Variants in CHRM3 observed in about 807,000 individuals in gnomAD.
The protein encoded by CHRM3 is cholinergic receptor muscarinic 3.
A neutral mutation model predicts 41.8 loss-of-function variants in CHRM3; 11 were observed. The ratio of observed to expected loss-of-function variants is 0.26; its 90% confidence interval spans 0.17 to 0.44. CHRM3 has a LOEUF of 0.44. CHRM3 is among the 20% of genes least tolerant of loss of function. The probability of loss-of-function intolerance (pLI) is 1.00; values close to 1 mark genes in which losing one functional copy is unlikely to be tolerated. For synonymous variants in CHRM3, 297 were observed against 301.4 expected (o/e 0.99, Z 0.15); for missense variants, 571 against 745.4 (o/e 0.77, Z 2.72).
At chr1:239,754,886 T>C (rs1666115888) in intron 5 of CHRM3, among the ~76,000 whole-genome samples, 1 of 152,200 alleles carries the variant, frequency 6.6e-6, no homozygotes, top group Admixed American at 6.5e-5. Flanking sequence ...TCTTCCATAA[T>C]TTGTCTTATT....
At chr1:239,649,170 T>C (rs1349127062) in intron 4 of CHRM3, among the ~76,000 whole-genome samples, 2 of 152,106 alleles carry the variant, frequency 1.3e-5, no homozygotes, top group African/African-American at 4.8e-5. Flanking sequence ...GGTGGTAGTG[T>C]GAGAAGATAG....
intron 3 of CHRM3, among the ~76,000 whole-genome samples, chr1:239,553,826 C>G (rs1048306159): frequency 1.3e-5 from 2 of 152,106 alleles, no homozygotes; most frequent in African/African-American, 4.8e-5. Flanking sequence ...TTTATCCCAA[C>G]AAGGAAAATT....
intron 4 of CHRM3, among the ~76,000 whole-genome samples, chr1:239,667,283 C>T (rs183143516): frequency 6.6e-6 from 1 of 152,268 alleles, no homozygotes; most frequent in East Asian, 1.9e-4. Context: ...TTCTTTTAAT[C>T]TCCAAGGCAT....
chr1:239,408,419 A>G (rs966597895), intron 1 of CHRM3, among the ~76,000 whole-genome samples: 8 of 150,196 alleles, frequency 5.3e-5, no homozygotes, highest in Non-Finnish European at 1.0e-4. Flanking sequence ...AGCTGCTGGG[A>G]AGGCTGAGGC....
At chr1:239,837,254 T>C (rs531041199) in intron 6 of CHRM3, among the ~76,000 whole-genome samples, 1 of 152,172 alleles carries the variant, frequency 6.6e-6, no homozygotes, top group African/African-American at 2.4e-5. Context: ...TTAGAGCCAA[T>C]AAAGTGATAC....
intron 4 of CHRM3, among the ~76,000 whole-genome samples, chr1:239,634,379 A>AAGAAAGAC (rs1553347946): frequency 1.4e-5 from 2 of 143,970 alleles, no homozygotes; most frequent in African/African-American, 5.4e-5. Context: ...GAACAAACGA[A>AAGAAAGAC]AGAAAGAAAG....
intron 4 of CHRM3, among the ~76,000 whole-genome samples, chr1:239,677,074 C>G (rs778653973): frequency 6.6e-6 from 1 of 152,166 alleles, no homozygotes; most frequent in Non-Finnish European, 1.5e-5. Flanking sequence ...CTCTCCTACA[C>G]TGCATACAAG....
At chr1:239,521,348 G>T (rs778189767) in intron 2 of CHRM3, among the ~76,000 whole-genome samples, 36 of 152,108 alleles carry the variant, frequency 2.4e-4, no homozygotes, top group Non-Finnish European at 4.1e-4. Context: ...TGAAATCAGA[G>T]ACTTTGGGAA....
chr1:239,605,615 A>T (rs1289591612), intron 3 of CHRM3, among the ~76,000 whole-genome samples: 1 of 152,202 alleles, frequency 6.6e-6, no homozygotes, highest in Non-Finnish European at 1.5e-5. Flanking sequence ...TTACAGATGT[A>T]ATTTTAAAAG....
At chr1:239,602,110 G>GTGTGTGTGTGTA (rs1307023039) in intron 3 of CHRM3, among the ~76,000 whole-genome samples, 12 of 112,858 alleles carry the variant, frequency 1.1e-4, no homozygotes, top group African/African-American at 4.1e-4. Flanking sequence ...GTGTGTGTGT[G>GTGTGTGTGTGTA]TATATATATA....
intron 6 of CHRM3, among the ~76,000 whole-genome samples, chr1:239,883,995 A>G (rs1198962210): frequency 6.6e-6 from 1 of 152,194 alleles, no homozygotes; most frequent in Non-Finnish European, 1.5e-5. Context: ...GAGAACCCCA[A>G]CAAACACCCA....
chr1:239,574,273 A>G (rs760354227), intron 3 of CHRM3, among the ~76,000 whole-genome samples: 2 of 152,170 alleles, frequency 1.3e-5, no homozygotes, highest in Non-Finnish European at 2.9e-5. Context: ...AAGCCAGAGT[A>G]GGTACAGGTC....
chr1:239,537,599 C>G (rs892127153), intron 2 of CHRM3, among the ~76,000 whole-genome samples: 1 of 152,088 alleles, frequency 6.6e-6, no homozygotes, highest in Non-Finnish European at 1.5e-5. Context: ...CCCCTCCTAC[C>G]AGTAAGGTTC....
chr1:239,831,521 T>C (rs780767425), intron 6 of CHRM3, among the ~76,000 whole-genome samples: 3 of 152,232 alleles, frequency 2.0e-5, no homozygotes, highest in Non-Finnish European at 2.9e-5. Context: ...TCTGGCCATT[T>C]TAACAGACAT....
intron 3 of CHRM3, among the ~76,000 whole-genome samples, chr1:239,594,733 A>G (rs1664593241): frequency 1.3e-5 from 2 of 152,222 alleles, no homozygotes; most frequent in South Asian, 4.1e-4. Context: ...TAAGAAAGGT[A>G]ATATAGTAGG....
intron 5 of CHRM3, among the ~76,000 whole-genome samples, chr1:239,762,295 T>C (rs915877265): frequency 6.6e-6 from 1 of 152,336 alleles, no homozygotes; most frequent in Middle Eastern, 3.4e-3. Context: ...TTGCGGTTTT[T>C]TACTTTCTCT....
At chr1:239,805,219 A>G (rs1461160200) in intron 5 of CHRM3, among the ~76,000 whole-genome samples, 1 of 152,216 alleles carries the variant, frequency 6.6e-6, no homozygotes, top group Non-Finnish European at 1.5e-5. Flanking sequence ...AGGTTCATTC[A>G]GACCGTGAAT....
chr1:239,908,833 C>T lies in CHRM3; in HGVS notation c.1382C>T (p.Ala461Val). Residue 461 changes from alanine to valine, a missense_variant, in exon 7 of 7, where the codon GCC becomes GTC. By Grantham distance (64) the Ala-to-Val change is moderately conservative. Transcript: ENST00000676153. The surrounding 1 kb of genome is among the most constrained non-coding windows in gnomAD (Gnocchi z 7.2). The stretch of plus-strand genomic sequence containing the variant: ...ACTCTACCTCTGTCCTTCAAGGAAG[C>T]CACTCTGGCCAAGAGGTTTGCTCTG... ...TATLPLSFKE[A>V]TLAKRFALKT... The T allele has an allele frequency of 6.2e-7, 1 of 1,614,136 alleles. No homozygotes were observed.
chr1:239,490,378 G>C (rs1224334915), intron 1 of CHRM3, among the ~76,000 whole-genome samples: 1 of 152,068 alleles, frequency 6.6e-6, no homozygotes, highest in South Asian at 2.1e-4. Context: ...GCAAACAAAG[G>C]TCAAGTCTCA....
Sources: allele counts gnomAD v4.1 joint callset (sites outside exome capture counted in the v4.1 genomes callset), GRCh38; gene constraint gnomAD v4.1.1; non-coding constraint Gnocchi (gnomAD v3.1); transcripts MANE v1.5; gene names NCBI Gene and HGNC (gene_info 2026-07-23, HGNC 2026-07-21).